Variants in FRY observed in about 807,000 individuals in gnomAD.
FRY encodes the protein protein furry homolog.
In FRY, 128 loss-of-function variants were observed where a neutral mutation model predicts 348.4. That is an observed-to-expected ratio of 0.37 (90% CI 0.32 to 0.43). FRY has a LOEUF of 0.43. Among genes scored for constraint, FRY ranks in the 20% least tolerant of loss-of-function variants. FRY has a pLI of 1.00. For missense variants in FRY, 2,736 were observed against 3,695.2 expected (o/e 0.74, Z 6.73); for synonymous variants, 1,370 against 1,374.7 (o/e 1.00, Z 0.08).
intron 36 of FRY, among the ~76,000 whole-genome samples, chr13:32,219,764 T>C (rs1885218641): frequency 6.6e-6 from 1 of 152,064 alleles, no homozygotes; most frequent in Non-Finnish European, 1.5e-5. Context: ...GGTTCAACAT[T>C]TCCACCTATC....
rs1182057653 is a variant in FRY, at chr13:32,038,339, A to G, written c.70+6474A>G. The G allele has an allele frequency of 3.9e-5, 6 of 152,230 alleles. No individual in the cohort carries two copies. In the East Asian group the frequency reaches 7.7e-4, roughly 20 times the overall value. 9.4% of individuals were successfully genotyped at this position (152,230 alleles called of 1,614,324 possible). ...TACAGAGGTAAGTCTGTCCAAAAAC[A>G]TATGTATTACGATTTTCCGAATTTA... On this transcript the variant is annotated intron_variant, in intron 1 of 60. Coordinates refer to ENST00000542859, the MANE Select transcript of FRY (RefSeq NM_023037.3).
intron 1 of FRY, among the ~76,000 whole-genome samples, chr13:32,056,844 G>A (rs1873652491): frequency 1.3e-5 from 2 of 152,024 alleles, no homozygotes; most frequent in African/African-American, 4.8e-5. Context: ...AATAAAATGT[G>A]ACCATTTTAT....
At position 32,209,621 on chromosome 13, in the gene FRY, G is replaced by T. The variant is rs1204705855; in HGVS notation, c.4312G>T (p.Ala1438Ser). Residue 1438 changes from alanine (A) to serine (S), a missense_variant, in exon 33 of 61, where the codon GCT (alanine) becomes TCT (serine). By Grantham distance (99) the Ala-to-Ser change is moderately conservative. This residue lies in a region of FRY where 794 missense variants were observed against 977.0 expected (regional missense o/e 0.81). Coordinates refer to ENST00000542859, the MANE Select transcript of FRY (RefSeq NM_023037.3). ...DEVPGPEMEN[A>S]WNALANNEKW... ...AGTTCCTGGGCCAGAAATGGAAAAT[G>T]CTTGGAATGCTTTAGCCAACAATGA... The T allele has an allele frequency of 1.2e-6, 2 of 1,614,008 alleles. No individual in the cohort carries two copies. Among genetic ancestry groups the T allele is most frequent in the South Asian group, 2.2e-5 (2 of 91,074 alleles).
chr13:32,094,390 A>G (rs1326693571), intron 2 of FRY, among the ~76,000 whole-genome samples: 3 of 152,098 alleles, frequency 2.0e-5, no homozygotes, highest in Non-Finnish European at 4.4e-5. Flanking sequence ...AGTTACTTTA[A>G]AGTGCACAAT....
chr13:32,101,265 A>G (rs1019696940), intron 2 of FRY, among the ~76,000 whole-genome samples: 2 of 152,310 alleles, frequency 1.3e-5, no homozygotes, highest in East Asian at 3.9e-4. Flanking sequence ...ATAATACTCC[A>G]GGTTCGTCCA....
Position 32,261,695 on chromosome 13 carries a change from T to C in FRY, c.7496T>C (p.Leu2499Pro), listed in dbSNP as rs1413936802. 3 of 1,614,110 alleles carry C rather than the reference T, an allele frequency of 1.9e-6. No homozygotes were observed. The highest frequency in any genetic ancestry group is 2.2e-5 in the South Asian group (2 of 91,076). The change falls in exon 52 of 61, where the codon CTG (leucine) becomes CCG (proline). Residue 2499 changes from leucine (L) to proline (P), a missense_variant. Physicochemically the swap from Leu to Pro is moderately conservative, Grantham distance 98. Transcript: ENST00000542859. ...CTGGATAAGTGTGATATGCAGATTC[T>C]GGAGGAGCGCCAACTGTCAGGAAGC... The part of the protein sequence containing the change: ...DSLDKCDMQI[L>P]EERQLSGSTP...
At position 32,271,997 on chromosome 13, in the gene FRY, C is replaced by CAAT. The variant is rs1309887978; in HGVS notation, c.8137-2831_8137-2829dup. ...TCAATCACCCTATGGAGCTTATCTG[C>CAAT]AATAATAATAATAATATAATAATTT... is the stretch of plus-strand genomic sequence containing the variant. On this transcript the variant is annotated intron_variant, in intron 55 of 60. Transcript: ENST00000542859. Among the ~76,000 whole-genome samples the CAAT allele has an allele frequency of 3.3e-5, 5 of 152,116 alleles. No individual in the cohort carries two copies. The East Asian group carries it at 5.8e-4, about 18-fold the overall frequency.
At chr13:32,220,909 T>G (rs1358129560) in intron 36 of FRY, among the ~76,000 whole-genome samples, 1 of 152,212 alleles carries the variant, frequency 6.6e-6, no homozygotes, top group Non-Finnish European at 1.5e-5. Context: ...AAGTTACTTG[T>G]AGGTAATTTG....
At chr13:32,036,695 ATCT>A (rs1872529647) in intron 1 of FRY, among the ~76,000 whole-genome samples, 1 of 151,702 alleles carries the variant, frequency 6.6e-6, no homozygotes, top group Admixed American at 6.6e-5. Context: ...TCTGTTTATT[ATCT>A]TCACTCTTTC....
At chr13:32,186,150 C>A in intron 26 of FRY, 110 bp from the exon 27 acceptor site, 2 of 863,176 alleles carry the variant, frequency 2.3e-6, no homozygotes, top group South Asian at 1.4e-5. Flanking sequence ...CTAAAGAAAA[C>A]TGTAGTTAAA....
intron 39 of FRY, among the ~76,000 whole-genome samples, chr13:32,227,250 ATATT>A (rs1211452031): frequency 6.6e-6 from 1 of 152,226 alleles, no homozygotes; most frequent in African/African-American, 2.4e-5. Flanking sequence ...TTTTTTATAA[ATATT>A]TATTAAGCAC....
intron 58 of FRY, chr13:32,287,864 T>C (rs1471502200): frequency 7.4e-7 from 1 of 1,354,360 alleles, no homozygotes; most frequent in South Asian, 1.2e-5. Context: ...GCTTGCTGTG[T>C]AGCAAATGGA....
intron 26 of FRY, among the ~76,000 whole-genome samples, 165 bp from the exon 27 acceptor site, chr13:32,186,095 A>G (rs1883012036): frequency 6.6e-6 from 1 of 152,232 alleles, no homozygotes; most frequent in African/African-American, 2.4e-5. Flanking sequence ...GTGCACACTT[A>G]GAAAAGAAAA....
intron 51 of FRY, among the ~76,000 whole-genome samples, chr13:32,257,138 CT>C (rs1295011621): frequency 6.6e-6 from 1 of 152,122 alleles, no homozygotes; most frequent in Non-Finnish European, 1.5e-5. Context: ...ATCCAAAACA[CT>C]TCTGGTCCCA....
chr13:32,273,699 C>A (rs78992649), intron 55 of FRY, among the ~76,000 whole-genome samples: 4,691 of 152,284 alleles, frequency 0.031, 112 homozygotes, highest in Non-Finnish European at 0.046. Context: ...TGCACAGTTT[C>A]CGTGCTGTCT....
At chr13:32,263,867 G>A (rs554019700) in intron 53 of FRY, among the ~76,000 whole-genome samples, 84 of 152,282 alleles carry the variant, frequency 5.5e-4, no homozygotes, top group Admixed American at 1.4e-3. Flanking sequence ...AAATTAACCG[G>A]TCATGGTGGC....
intron 55 of FRY, among the ~76,000 whole-genome samples, chr13:32,269,282 A>T (rs1159541440): frequency 6.6e-6 from 1 of 152,242 alleles, no homozygotes; most frequent in Non-Finnish European, 1.5e-5. Flanking sequence ...TTCAGTAGCC[A>T]GTGTCACTTG....
chr13:32,185,210 T>A (rs1405530217), intron 26 of FRY, 62 bp downstream of exon 26: 4 of 1,463,490 alleles, frequency 2.7e-6, no homozygotes, highest in Non-Finnish European at 3.8e-6. Flanking sequence ...TGTTCTTTAT[T>A]ACGGTGCTTT....
intron 1 of FRY, among the ~76,000 whole-genome samples, chr13:32,043,982 G>A (rs1361967996): frequency 6.6e-6 from 1 of 152,094 alleles, no homozygotes; most frequent in Non-Finnish European, 1.5e-5. Flanking sequence ...AGTGCTTGAG[G>A]CCAGGAGTTT....
Sources: allele counts gnomAD v4.1 joint callset (sites outside exome capture counted in the v4.1 genomes callset), GRCh38; gene constraint gnomAD v4.1.1; regional missense constraint gnomAD v4.1.1; transcripts MANE v1.5; gene names NCBI Gene and HGNC (gene_info 2026-07-23, HGNC 2026-07-21).